P3H3: variants seen among roughly 807,000 people sequenced by gnomAD.
P3H3 encodes gene rich cluster, B.
A neutral mutation model predicts 78.1 loss-of-function variants in P3H3; 64 were observed. That is an observed-to-expected ratio of 0.82 (90% confidence interval 0.67 to 1.01). The LOEUF (loss-of-function observed/expected upper bound fraction) is 1.01. P3H3 is among the 50% of genes least tolerant of loss of function. P3H3 has a pLI of 0.00. For missense variants in P3H3, 975 were observed against 982.2 expected (o/e 0.99, Z 0.10); for synonymous variants, 425 against 416.7 (o/e 1.02, Z -0.24).
rs1555121468 is a variant in P3H3 at position 6,831,772 on chromosome 12, C to T, written c.1123-53C>T. ...CACCCAGGCAGTGCCCTAGAGCCGG[C>T]GCTTCCCTGCCTTCCTCCAGCTACC... On this transcript the variant is annotated intron_variant, in intron 5 of 14. Transcript: ENST00000290510. This position sits in a 1 kb window ranked among gnomAD's most constrained non-coding sequence, Gnocchi z 4.6. The T allele has an allele frequency of 1.2e-5, 14 of 1,156,150 alleles. No individual in the cohort carries two copies. The highest frequency in any genetic ancestry group is 2.5e-5 in the East Asian group (1 of 40,144). The allele number at this position is 1,156,150 out of a possible 1,614,324, so 71.6% of individuals were successfully genotyped here.
intron 13 of P3H3, 81 bp from the exon 14 acceptor site, chr12:6,838,919 C>G: frequency 7.9e-7 from 1 of 1,272,008 alleles, no homozygotes; most frequent in Non-Finnish European, 1.1e-6. Context: ...GTGCCCCTGT[C>G]CCCATCCTGC....
rs1591579529 is a variant in P3H3, at chr12:6,831,437, C to T, written c.1122+85C>T. ...AAGTAACCTGGACCCCCACCCCCCG[C>T]TGGCCTCTTACCCGAGCACTCTAGT... On this transcript the variant is annotated intron_variant, in intron 5 of 14. Transcript: ENST00000290510. The surrounding 1 kb of genome is among the most constrained non-coding windows in gnomAD (Gnocchi z 4.6). The T allele has an allele frequency of 1.3e-6, 2 of 1,559,864 alleles. No homozygotes were observed. Among genetic ancestry groups the T allele is most frequent in the South Asian group, 1.2e-5 (1 of 86,336 alleles).
At position 6,837,868 on chromosome 12, in the gene P3H3, G is replaced by A; in HGVS notation, c.1829+19G>A. On this transcript the variant is annotated intron_variant, in intron 12 of 14. Coordinates refer to ENST00000290510, the MANE Select transcript of P3H3 (RefSeq NM_014262.5). ...ACTACAGGTGGGCAGCCCCTCTAGTGGTCAGGCAGGTGGGCAGACAAAGGT... is the reference window on the plus strand; with the variant it reads ...ACTACAGGTGGGCAGCCCCTCTAGTAGTCAGGCAGGTGGGCAGACAAAGGT... 1 of 1,599,096 alleles carries A rather than the reference G, an allele frequency of 6.3e-7. No individual in the cohort carries two copies. Among genetic ancestry groups the A allele is most frequent in the South Asian group, 1.1e-5 (1 of 88,738 alleles).
intron 13 of P3H3, 23 bp downstream of exon 13, chr12:6,838,056 C>T (rs782065968): frequency 1.8e-5 from 28 of 1,583,548 alleles, no homozygotes; most frequent in African/African-American, 1.5e-4. Context: ...GGGGGTGTGA[C>T]GGTGTGACAA....
chr12:6,837,915 C>G (rs372025561), intron 12 of P3H3, 43 bp from the exon 13 acceptor site: 1 of 1,592,514 alleles, frequency 6.3e-7, no homozygotes, highest in Non-Finnish European at 8.6e-7. Flanking sequence ...CGGCCTGGGC[C>G]TGGGTTGGGG....
rs191141223 is a variant in P3H3 at position 6,830,924 on chromosome 12, C to T, written c.985+154C>T. 351 of 1,153,282 alleles carry T rather than the reference C, an allele frequency of 3.0e-4. 1 individual carries two copies. The African/African-American group carries it at 4.4e-3, about 14-fold the overall frequency. 71.4% of individuals were successfully genotyped at this position (1,153,282 alleles called of 1,614,324 possible). A position where few individuals can be genotyped will look rare whatever the true frequency, so the allele number is the denominator to read the frequency against. On this transcript the variant is annotated intron_variant, in intron 4 of 14. Transcript: ENST00000290510. ...CACTTCACAAGGACTCTAATTTGCC[C>T]TCCTTTGGCGCCTGTGACAAGCTCA...
intron 6 of P3H3, 135 bp downstream of exon 6, chr12:6,832,049 G>A (rs1383513362): frequency 1.1e-5 from 7 of 631,768 alleles, no homozygotes; most frequent in South Asian, 5.7e-5. Context: ...TTACAGGGAC[G>A]GAGACAGTGT....
intron 9 of P3H3, among the ~76,000 whole-genome samples, chr12:6,835,504 G>A (rs10744718): frequency 1 from 152,222 of 152,222 alleles, 76,111 homozygotes; most frequent in Non-Finnish European, 1. Flanking sequence ...GAATCGCTTG[G>A]ACCCAGGAGG....
Position 6,831,010 on chromosome 12 carries a change from T to C in P3H3, c.986-206T>C. Reference sequence around the variant, plus strand: ...CTTCCTTTATTTTCCCCCCTCTTGCTCTTCTTTGAACTCTCCAGCTAAGGT... The same window carrying C: ...CTTCCTTTATTTTCCCCCCTCTTGCCCTTCTTTGAACTCTCCAGCTAAGGT... On this transcript the variant is annotated intron_variant, in intron 4 of 14. Transcript: ENST00000290510. This position sits in a 1 kb window ranked among gnomAD's most constrained non-coding sequence, Gnocchi z 4.6. The C allele has an allele frequency of 1.2e-6, 1 of 840,060 alleles. No homozygotes were observed. The allele number at this position is 840,060 out of a possible 1,614,324, so 52.0% of individuals were successfully genotyped here. A position where few individuals can be genotyped will look rare whatever the true frequency, so the allele number is the denominator to read the frequency against.
Sources: allele counts gnomAD v4.1 joint callset (sites outside exome capture counted in the v4.1 genomes callset), GRCh38; gene constraint gnomAD v4.1.1; non-coding constraint Gnocchi (gnomAD v3.1); transcripts MANE v1.5; gene names NCBI Gene and HGNC (gene_info 2026-07-23, HGNC 2026-07-21).